The following PCDHA9 variants were observed in gnomAD, a reference collection of about 807,000 sequenced individuals.
PCDHA9 encodes protocadherin alpha-9.
PCDHA9 carries 62 observed loss-of-function variants against 62.0 expected under a neutral mutation model. The ratio of observed to expected loss-of-function variants is 1.00; its 90% confidence interval spans 0.81 to 1.23. PCDHA9 has a LOEUF of 1.23. Ranked by LOEUF, PCDHA9 falls within the 50% of genes most tolerant of loss-of-function variation. The pLI, the probability that PCDHA9 is intolerant of heterozygous loss-of-function variation, is 0.00. For missense variants in PCDHA9, 1,205 were observed against 1,249.8 expected, an observed-to-expected ratio of 0.96 and a Z score of 0.54; for synonymous variants, 557 against 567.6, an observed-to-expected ratio of 0.98 and a Z score of 0.27.
In PCDHA9 at chr5:141,010,363, G is replaced by A; in HGVS notation, c.*426G>A. On this transcript the variant is annotated 3_prime_UTR_variant, in exon 4 of 4. Coordinates refer to ENST00000532602, the MANE Select transcript of PCDHA9 (RefSeq NM_031857.2). ...CACTGGGTATGTGTGGCTACCGCGG[G>A]TATGCGAGTGCCAGATATTGGCTGA... 7 of 1,480,446 alleles carry A rather than the reference G, an allele frequency of 4.7e-6. No homozygotes were observed. The highest frequency in any genetic ancestry group is 5.4e-6 in the Non-Finnish European group (6 of 1,112,646). 91.7% of individuals were successfully genotyped at this position (1,480,446 alleles called of 1,614,324 possible). A position where few individuals can be genotyped will look rare whatever the true frequency, so the allele number is the denominator to read the frequency against.
At chr5:140,900,588 C>G (rs1025443524) in intron 1 of PCDHA9, among the ~76,000 whole-genome samples, 3 of 152,150 alleles carry the variant, frequency 2.0e-5, no homozygotes, top group African/African-American at 7.2e-5. Flanking sequence ...TTTTCTTTAC[C>G]CGTTCATCTG....
Position 140,848,428 on chromosome 5 carries a change from C to G in PCDHA9, c.-68C>G. On this transcript the variant is annotated 5_prime_UTR_variant, in exon 1 of 4. Coordinates refer to ENST00000532602, the MANE Select transcript of PCDHA9 (RefSeq NM_031857.2). ...GGCGAACACAGCAGAATGGGACTGA[C>G]GAAATCAGATGATTTCTTCTAATTT... The G allele has an allele frequency of 6.9e-7, 1 of 1,450,064 alleles. No homozygotes were observed. The highest frequency in any genetic ancestry group is 1.8e-4 in the Middle Eastern group (1 of 5,506). The allele number at this position is 1,450,064 out of a possible 1,614,324, so 89.8% of individuals were successfully genotyped here.
chr5:140,870,902 C>G (rs2052520790), intron 1 of PCDHA9: 1 of 1,613,846 alleles, frequency 6.2e-7, no homozygotes. Flanking sequence ...GATGCGGACT[C>G]AGGCTACAAC....
chr5:140,902,555 T>C (rs538054274), intron 1 of PCDHA9, among the ~76,000 whole-genome samples: 1 of 152,182 alleles, frequency 6.6e-6, no homozygotes, highest in Non-Finnish European at 1.5e-5. Flanking sequence ...TATACCCAGA[T>C]TTTTGAGGGT....
rs2150459394 is a variant in PCDHA9 at position 140,849,947 on chromosome 5, G to A, written c.1452G>A (p.Ala484=). ...IFTVSARDAD[A]QENALVSYSL... ...CGGTGTCTGCGCGGGACGCTGACGC[G>A]CAGGAGAACGCCCTGGTGTCCTACT... Residue 484 remains alanine, a synonymous_variant, in exon 1 of 4, where the codon GCG becomes GCA. Transcript: ENST00000532602. 23 of 1,597,838 alleles carry A rather than the reference G, an allele frequency of 1.4e-5. 5 individuals carry two copies. The highest frequency in any genetic ancestry group is 3.3e-5 in the South Asian group (3 of 90,532).
chr5:140,877,840 G>A, intron 1 of PCDHA9: 1 of 1,580,394 alleles, frequency 6.3e-7, no homozygotes, highest in South Asian at 1.2e-5. Context: ...TCCCAGTGAA[G>A]TAAGTTATTA....
intron 1 of PCDHA9, chr5:140,967,990 G>C: frequency 6.2e-7 from 1 of 1,614,232 alleles, no homozygotes; most frequent in Non-Finnish European, 8.5e-7. Flanking sequence ...AGGCCACACT[G>C]CCTTTCCGAC....
chr5:140,926,813 T>C, intron 1 of PCDHA9: 1 of 1,463,920 alleles, frequency 6.8e-7, no homozygotes, highest in East Asian at 2.5e-5. Flanking sequence ...CCGCGGCTCG[T>C]GCTCTCCAGG....
chr5:140,879,055 A>C (rs1048447920), intron 1 of PCDHA9, among the ~76,000 whole-genome samples: 2 of 152,214 alleles, frequency 1.3e-5, no homozygotes, highest in Non-Finnish European at 2.9e-5. Context: ...ACAACATTTT[A>C]CCAAGAAAGT....
chr5:140,879,955 A>G (rs1554171094), intron 1 of PCDHA9, among the ~76,000 whole-genome samples: 1 of 152,206 alleles, frequency 6.6e-6, no homozygotes, highest in Non-Finnish European at 1.5e-5. Context: ...GCCCATCTGG[A>G]TAATCCAGGA....
At chr5:140,891,432 C>T (rs183679) in intron 1 of PCDHA9, among the ~76,000 whole-genome samples, 69,006 of 149,136 alleles carry the variant, frequency 0.46, 16,159 homozygotes, top group South Asian at 0.58. Context: ...AAGTCCCCAA[C>T]GTCCATTGTA....
intron 3 of PCDHA9, among the ~76,000 whole-genome samples, chr5:141,008,162 G>A (rs1280112352): frequency 6.6e-6 from 1 of 152,128 alleles, no homozygotes; most frequent in East Asian, 1.9e-4. Flanking sequence ...ATAAGATGAG[G>A]ACTAAAATGT....
intron 1 of PCDHA9, chr5:140,928,319 AG>A: frequency 6.2e-7 from 1 of 1,614,200 alleles, no homozygotes. Flanking sequence ...GACCTGGGGA[AG>A]AATGGCCTTG....
chr5:140,941,169 C>T (rs1283079666), intron 1 of PCDHA9, among the ~76,000 whole-genome samples: 1 of 145,950 alleles, frequency 6.9e-6, no homozygotes, highest in Admixed American at 6.9e-5. Flanking sequence ...GACTCCCCAT[C>T]TTGAACATCC....
At chr5:140,918,051 A>C (rs782531005) in intron 1 of PCDHA9, among the ~76,000 whole-genome samples, 4 of 151,984 alleles carry the variant, frequency 2.6e-5, no homozygotes, top group Admixed American at 2.0e-4. Flanking sequence ...CATTTGTTTT[A>C]TCATCTCTGA....
At chr5:140,960,680 G>A (rs192174088) in intron 1 of PCDHA9, among the ~76,000 whole-genome samples, 2 of 152,162 alleles carry the variant, frequency 1.3e-5, no homozygotes, top group African/African-American at 4.8e-5. Context: ...AAACCTACTT[G>A]GGAATGAGGG....
At chr5:140,863,810 C>T (rs1554158466) in intron 1 of PCDHA9, 8 of 203,770 alleles carry the variant, frequency 3.9e-5, no homozygotes, top group South Asian at 2.6e-4. Context: ...ACCAGCCTGG[C>T]CAACATGGTG....
chr5:140,988,750 C>G (rs1282256432), intron 3 of PCDHA9, among the ~76,000 whole-genome samples: 1 of 152,074 alleles, frequency 6.6e-6, no homozygotes, highest in Non-Finnish European at 1.5e-5. Context: ...GATTGGTGGC[C>G]TGGGCAGAAT....
At chr5:140,858,112 G>A (rs943720366) in intron 1 of PCDHA9, 27 of 1,597,680 alleles carry the variant, frequency 1.7e-5, no homozygotes, top group Non-Finnish European at 2.3e-5. Context: ...TGGCGCCCGA[G>A]GTGGCCCTGG....
Sources: gnomAD v4.1 joint callset for allele counts (sites outside exome capture counted in the v4.1 genomes callset) on GRCh38, gnomAD v4.1.1 for gene constraint, MANE v1.5 for transcripts, NCBI Gene and HGNC (gene_info 2026-07-23, HGNC 2026-07-21) for gene names.